Variants in FAM117B observed in about 807,000 individuals in gnomAD.
The protein encoded by FAM117B is protein FAM117B.
A neutral mutation model predicts 52.8 loss-of-function variants in FAM117B; 22 were observed. The ratio of observed to expected loss-of-function variants is 0.42; its 90% confidence interval spans 0.30 to 0.59. The LOEUF is 0.59. FAM117B is among the 20% of genes least tolerant of loss of function. The probability of loss-of-function intolerance (pLI) is 0.22; values close to 1 mark genes in which losing one functional copy is unlikely to be tolerated. For missense variants in FAM117B, 678 were observed against 802.6 expected (o/e 0.84, Z 1.88); for synonymous variants, 309 against 324.1 (o/e 0.95, Z 0.50).
Position 202,635,418 on chromosome 2 carries a change from AGGCGGCGGC to A in FAM117B, c.240_248del (p.Gly82_Gly84del), listed in dbSNP as rs565502997. Reference sequence around the variant, plus strand: ...GCTGTGGTGGCGCCTCAGGCCCCGCAGGCGGCGGCGGCGGCGGTGGCCCGCGCACCGCCT... The same window carrying A: ...GCTGTGGTGGCGCCTCAGGCCCCGCAGGCGGCGGTGGCCCGCGCACCGCCT... On this transcript the variant is annotated inframe_deletion, in exon 1 of 8. Transcript: ENST00000392238. 9.7e-6 allele frequency: 12 copies of A among 1,241,222 alleles called. No homozygotes were observed. Among genetic ancestry groups the A allele is most frequent in the African/African-American group, 1.6e-5 (1 of 62,104 alleles). The allele number at this position is 1,241,222 out of a possible 1,614,324, so 76.9% of individuals were successfully genotyped here.
Position 202,769,183 on chromosome 2 carries a change from T to C in FAM117B, c.*3419T>C, listed in dbSNP as rs1201499933. On this transcript the variant is annotated 3_prime_UTR_variant, in exon 8 of 8. Transcript: ENST00000392238. ...AATATTTGACGACATGAAAGTCCTT[T>C]TTCTTTGCTTTCAGTGGTTGGCTTT... The C allele has an allele frequency of 2.0e-5, 3 of 152,244 alleles. No individual in the cohort carries two copies. The highest frequency in any genetic ancestry group is 4.8e-5 in the African/African-American group (2 of 41,466). The allele number at this position is 152,244 out of a possible 1,614,324, so 9.4% of individuals were successfully genotyped here. A position where few individuals can be genotyped will look rare whatever the true frequency, so the allele number is the denominator to read the frequency against.
rs1330323795 is a variant in FAM117B, at chr2:202,729,347, T to A, written c.960+2984T>A. 4.6e-5 allele frequency among the ~76,000 whole-genome samples: 7 copies of A among 151,764 alleles called. No homozygotes were observed. In the East Asian group the frequency reaches 5.8e-4, roughly 13 times the overall value. On this transcript the variant is annotated intron_variant, in intron 4 of 7. Coordinates refer to ENST00000392238, the MANE Select transcript of FAM117B (RefSeq NM_173511.4). ...AGACTCCATCTCAAAAAAAAAAAAA[T>A]TTAAAAAGAAACTCTTAGGCTGTAA...
chr2:202,759,490 C>G, intron 7 of FAM117B, 137 bp downstream of exon 7: 1 of 1,133,118 alleles, frequency 8.8e-7, no homozygotes. Context: ...CTCCTTAGCT[C>G]AAGTTATCTT....
intron 1 of FAM117B, among the ~76,000 whole-genome samples, chr2:202,682,756 G>A (rs567789142): frequency 1.1e-4 from 16 of 152,296 alleles, no homozygotes; most frequent in Middle Eastern, 3.4e-3. Flanking sequence ...AAAGATTCTT[G>A]AAAAATCTCA....
intron 1 of FAM117B, among the ~76,000 whole-genome samples, chr2:202,691,698 T>TGTGTGCGCGC (rs1476079292): frequency 7.6e-6 from 1 of 131,088 alleles, no homozygotes; most frequent in South Asian, 2.7e-4. Context: ...TGTGTGTGTG[T>TGTGTGCGCGC]GCGCGCGCGC....
chr2:202,653,623 TTCTTG>T (rs1265553956), intron 1 of FAM117B, among the ~76,000 whole-genome samples: 5 of 152,232 alleles, frequency 3.3e-5, no homozygotes, highest in Non-Finnish European at 7.3e-5. Flanking sequence ...GAAAACTATT[TTCTTG>T]TCTTTTAATC....
intron 1 of FAM117B, among the ~76,000 whole-genome samples, chr2:202,655,754 G>A (rs962534232): frequency 6.7e-5 from 10 of 148,382 alleles, no homozygotes; most frequent in Non-Finnish European, 1.0e-4. Context: ...GAGAGAGAGA[G>A]AGAGAGAGTG....
intron 5 of FAM117B, among the ~76,000 whole-genome samples, chr2:202,756,396 C>A (rs1235652255): frequency 6.6e-6 from 1 of 151,962 alleles, no homozygotes; most frequent in Non-Finnish European, 1.5e-5. Context: ...TGCCTATTCT[C>A]TTTACTGACT....
intron 1 of FAM117B, among the ~76,000 whole-genome samples, chr2:202,652,316 G>A (rs144211594): frequency 9.5e-4 from 145 of 152,052 alleles, no homozygotes; most frequent in African/African-American, 2.9e-3. Flanking sequence ...GCCCAGGCTG[G>A]CCTCAAACTC....
chr2:202,707,941 G>C (rs188323081), intron 2 of FAM117B, among the ~76,000 whole-genome samples: 1 of 151,548 alleles, frequency 6.6e-6, no homozygotes, highest in African/African-American at 2.4e-5. Flanking sequence ...CTCATTTTTT[G>C]TATTTTTGGT....
chr2:202,656,339 C>T (rs1039044795), intron 1 of FAM117B, among the ~76,000 whole-genome samples: 1 of 152,126 alleles, frequency 6.6e-6, no homozygotes, highest in Admixed American at 6.5e-5. Context: ...CTAATAGAAA[C>T]ATTTAATGCC....
chr2:202,663,123 C>T (rs886223950), intron 1 of FAM117B, among the ~76,000 whole-genome samples: 1 of 152,208 alleles, frequency 6.6e-6, no homozygotes, highest in African/African-American at 2.4e-5. Flanking sequence ...TCAATAGGTA[C>T]ACTTCTACAA....
intron 2 of FAM117B, among the ~76,000 whole-genome samples, chr2:202,709,044 A>G (rs1690919775): frequency 6.6e-6 from 1 of 152,216 alleles, no homozygotes; most frequent in Admixed American, 6.5e-5. Flanking sequence ...AGTCATCCTG[A>G]CAGGCGCGAG....
At chr2:202,640,386 ATTAAG>A (rs1689753887) in intron 1 of FAM117B, among the ~76,000 whole-genome samples, 1 of 135,372 alleles carries the variant, frequency 7.4e-6, no homozygotes, top group Non-Finnish European at 1.5e-5. Flanking sequence ...CTTTGGATGT[ATTAAG>A]TTGTGTATAA....
At chr2:202,737,454 C>T (rs1691457084) in intron 4 of FAM117B, among the ~76,000 whole-genome samples, 2 of 152,262 alleles carry the variant, frequency 1.3e-5, no homozygotes, top group South Asian at 2.1e-4. Context: ...CTCTTGTAAG[C>T]ACTGCTCTGT....
chr2:202,666,873 C>T (rs1213026683), intron 1 of FAM117B, among the ~76,000 whole-genome samples: 1 of 151,858 alleles, frequency 6.6e-6, no homozygotes, highest in Non-Finnish European at 1.5e-5. Flanking sequence ...TCTCGATCTC[C>T]TGACCTCGTG....
chr2:202,682,885 G>C (rs1023761255), intron 1 of FAM117B, among the ~76,000 whole-genome samples: 4 of 152,126 alleles, frequency 2.6e-5, no homozygotes, highest in Non-Finnish European at 4.4e-5. Context: ...CAGTTAAAAC[G>C]TGTAGAAGAA....
At chr2:202,757,124 G>T (rs1691811179) in intron 5 of FAM117B, 89 bp from the exon 6 acceptor site, 2 of 1,269,900 alleles carry the variant, frequency 1.6e-6, no homozygotes, top group Admixed American at 2.3e-5. Context: ...TGAGTCTCTG[G>T]CACTATATGG....
chr2:202,677,313 G>A (rs971925008), intron 1 of FAM117B, among the ~76,000 whole-genome samples: 1 of 151,978 alleles, frequency 6.6e-6, no homozygotes, highest in Non-Finnish European at 1.5e-5. Flanking sequence ...TGATCCGCCC[G>A]CCTCGGCCTC....
Sources: gnomAD v4.1 joint callset for allele counts (sites outside exome capture counted in the v4.1 genomes callset) on GRCh38, gnomAD v4.1.1 for gene constraint, MANE v1.5 for transcripts, NCBI Gene and HGNC (gene_info 2026-07-23, HGNC 2026-07-21) for gene names.